SNX29: variants seen among roughly 807,000 people sequenced by gnomAD.
SNX29 encodes sorting nexin-29.
Under a neutral mutation model 102.1 loss-of-function variants are expected in SNX29, and 78 were observed. The ratio of observed to expected loss-of-function variants is 0.76; its 90% confidence interval spans 0.64 to 0.92. The LOEUF is 0.92. Ranked by LOEUF, SNX29 falls within the 40% of genes least tolerant of loss-of-function variation. The pLI, the probability that SNX29 is intolerant of heterozygous loss-of-function variation, is 0.00. For synonymous variants in SNX29, 580 were observed against 414.5 expected, an observed-to-expected ratio of 1.40 and a Z score of -4.85; for missense variants, 1,280 against 1,061.7, an observed-to-expected ratio of 1.21 and a Z score of -2.86.
intron 3 of SNX29, among the ~76,000 whole-genome samples, chr16:12,026,328 T>G (rs1462998396): frequency 6.6e-6 from 1 of 152,240 alleles, no homozygotes. Context: ...GTTAACTTAT[T>G]TGTGTACCTC....
chr16:11,990,940 TA>T (rs1362864811), intron 1 of SNX29, among the ~76,000 whole-genome samples: 1 of 152,266 alleles, frequency 6.6e-6, no homozygotes, highest in Admixed American at 6.5e-5. Context: ...ACCTGTTCGT[TA>T]CATATTATCT....
chr16:12,544,849 C>T (rs147808536), intron 20 of SNX29, among the ~76,000 whole-genome samples: 1 of 152,206 alleles, frequency 6.6e-6, no homozygotes, highest in Non-Finnish European at 1.5e-5. Context: ...GGGAAATGCC[C>T]ACATGCAGCC....
At chr16:12,354,425 C>T (rs183962213) in intron 15 of SNX29, among the ~76,000 whole-genome samples, 1 of 152,296 alleles carries the variant, frequency 6.6e-6, no homozygotes, top group East Asian at 1.9e-4. Context: ...AGGGTTTTGA[C>T]AGCTTATGGT....
chr16:12,382,692 G>A (rs1484383790), intron 16 of SNX29, among the ~76,000 whole-genome samples: 1 of 152,174 alleles, frequency 6.6e-6, no homozygotes, highest in Non-Finnish European at 1.5e-5. Flanking sequence ...CGGCAATCAC[G>A]GTGCCAGCAG....
Position 12,478,735 on chromosome 16 carries a change from G to C in SNX29, c.2178+876G>C, listed in dbSNP as rs1472727612. Among the ~76,000 whole-genome samples the C allele has an allele frequency of 2.0e-5, 3 of 152,166 alleles. No homozygotes were observed. The East Asian group carries it at 5.8e-4, about 29-fold the overall frequency. On this transcript the variant is annotated intron_variant, in intron 19 of 20. Coordinates refer to ENST00000566228, the MANE Select transcript of SNX29 (RefSeq NM_032167.5). ...AGTTCTCTGTCATGGCCGTGCTTTGGATCCCCTGGGGAGCTTTGAAAACCA... is the reference window on the plus strand; with the variant it reads ...AGTTCTCTGTCATGGCCGTGCTTTGCATCCCCTGGGGAGCTTTGAAAACCA...
intron 13 of SNX29, among the ~76,000 whole-genome samples, chr16:12,163,662 C>G (rs1445583684): frequency 6.6e-6 from 1 of 152,130 alleles, no homozygotes; most frequent in East Asian, 1.9e-4. Context: ...CTTCTTGCCC[C>G]ACATGGGTCT....
At position 12,020,144 on chromosome 16, in the gene SNX29, A is replaced by T. The variant is rs141186092; in HGVS notation, c.123-7176A>T. Among the ~76,000 whole-genome samples the T allele has an allele frequency of 4.2e-3, 626 of 150,508 alleles. 7 individuals are homozygous for T. Among genetic ancestry groups the T allele is most frequent in the African/African-American group, 0.014 (586 of 40,940 alleles). On this transcript the variant is annotated intron_variant, in intron 3 of 20. Coordinates refer to ENST00000566228, the MANE Select transcript of SNX29 (RefSeq NM_032167.5). ...TTTCTAAACTTTTTTTTTTTTTAAG[A>T]CAAGGTCTTGTTCTGTCACCCATGC...
At chr16:12,250,480 A>G (rs748497287) in intron 14 of SNX29, among the ~76,000 whole-genome samples, 3 of 152,186 alleles carry the variant, frequency 2.0e-5, no homozygotes, top group African/African-American at 4.8e-5. Context: ...AAGCACAGCT[A>G]TGGATCAAGG....
intron 18 of SNX29, among the ~76,000 whole-genome samples, chr16:12,441,012 T>G (rs2085775902): frequency 6.6e-6 from 1 of 152,124 alleles, no homozygotes; most frequent in Non-Finnish European, 1.5e-5. Context: ...TACGTGGCCT[T>G]CTATGCTTGG....
chr16:12,486,976 C>T (rs929927962), intron 19 of SNX29, among the ~76,000 whole-genome samples: 2 of 152,120 alleles, frequency 1.3e-5, no homozygotes, highest in Admixed American at 6.6e-5. Flanking sequence ...CTGTAATAAG[C>T]ACTGAGAGTC....
At chr16:12,220,333 AG>A (rs2077444149) in intron 14 of SNX29, among the ~76,000 whole-genome samples, 1 of 26,408 alleles carries the variant, frequency 3.8e-5, no homozygotes, top group African/African-American at 1.8e-4. Context: ...GAAGGGAGGG[AG>A]GGAGGGAGGG....
chr16:12,003,030 G>A lies in SNX29; in HGVS notation c.109G>A (p.Asp37Asn), dbSNP rs748130649. Residue 37 changes from aspartate (D) to asparagine (N), a missense_variant, in exon 3 of 21, where the codon GAT becomes AAT. Physicochemically the swap from Asp to Asn is conservative, Grantham distance 23. Coordinates refer to ENST00000566228, the MANE Select transcript of SNX29 (RefSeq NM_032167.5). ...TGGAGGGAGAAAGGAGATTGCCTCG[G>A]ATTCCGACAGCAGGTAAATATGTCA... The part of the protein sequence containing the change: ...RFGGRKEIAS[D>N]SDSRVTCLCA... 1 of 1,614,208 alleles carries A rather than the reference G, an allele frequency of 6.2e-7. No homozygotes were observed. The highest frequency in any genetic ancestry group is 8.5e-7 in the Non-Finnish European group (1 of 1,180,038).
At position 12,251,532 on chromosome 16, in the gene SNX29, G is replaced by A. The variant is rs544292397; in HGVS notation, c.1679-26401G>A. On this transcript the variant is annotated intron_variant, in intron 14 of 20. Coordinates refer to ENST00000566228, the MANE Select transcript of SNX29 (RefSeq NM_032167.5). Reference sequence around the variant, plus strand: ...ATCCTGGCCAACATGGTAAAACCCCGTCTCTACTACAAATACAAAAATTAG... The same window carrying A: ...ATCCTGGCCAACATGGTAAAACCCCATCTCTACTACAAATACAAAAATTAG... Among the ~76,000 whole-genome samples, 13 of 152,118 alleles carry A rather than the reference G, an allele frequency of 8.5e-5. No individual in the cohort carries two copies. The South Asian group carries it at 1.0e-3, about 12-fold the overall frequency.
At chr16:12,501,514 G>A (rs2089121342) in intron 19 of SNX29, among the ~76,000 whole-genome samples, 1 of 152,096 alleles carries the variant, frequency 6.6e-6, no homozygotes, top group East Asian at 1.9e-4. Flanking sequence ...CTGAGGTCAG[G>A]AGTTCAAGAC....
At chr16:12,551,732 G>A (rs1206015260) in intron 20 of SNX29, among the ~76,000 whole-genome samples, 1 of 152,204 alleles carries the variant, frequency 6.6e-6, no homozygotes, top group African/African-American at 2.4e-5. Flanking sequence ...GGGGACAGCT[G>A]ACAAGAAATA....
chr16:12,472,372 T>C (rs564044551), intron 18 of SNX29, among the ~76,000 whole-genome samples: 2 of 151,602 alleles, frequency 1.3e-5, no homozygotes, highest in East Asian at 3.9e-4. Context: ...ATACAAAAAT[T>C]AGCCAGGCGT....
intron 16 of SNX29, among the ~76,000 whole-genome samples, chr16:12,381,951 T>C (rs1011149799): frequency 5.3e-5 from 8 of 151,068 alleles, no homozygotes; most frequent in Admixed American, 4.6e-4. Flanking sequence ...TAAGAGCTCA[T>C]AGAGTAGTGG....
intron 11 of SNX29, among the ~76,000 whole-genome samples, chr16:12,109,159 A>T (rs1228890791): frequency 2.7e-5 from 4 of 149,046 alleles, no homozygotes; most frequent in African/African-American, 9.9e-5. Flanking sequence ...AAAAAAAGAA[A>T]AGGAATTTAT....
intron 18 of SNX29, among the ~76,000 whole-genome samples, chr16:12,431,419 C>G (rs574473670): frequency 6.9e-6 from 1 of 145,250 alleles, no homozygotes; most frequent in East Asian, 2.1e-4. Flanking sequence ...TTGAGCTTTT[C>G]TTCTTCTTCT....
Sources: allele counts gnomAD v4.1 joint callset (sites outside exome capture counted in the v4.1 genomes callset), GRCh38; gene constraint gnomAD v4.1.1; transcripts MANE v1.5; gene names NCBI Gene and HGNC (gene_info 2026-07-23, HGNC 2026-07-21).